The following L3MBTL4 variants were observed in gnomAD, a reference collection of about 807,000 sequenced individuals.
The protein encoded by L3MBTL4 is L3MBTL histone methyl-lysine binding protein 4.
In L3MBTL4, 70 loss-of-function variants were observed where a neutral mutation model predicts 84.5. That is an observed-to-expected ratio of 0.83 (90% CI 0.68 to 1.01). The LOEUF (loss-of-function observed/expected upper bound fraction) is 1.01, where lower values mean the gene tolerates loss of function less well. Ranked by LOEUF, L3MBTL4 falls within the 50% of genes least tolerant of loss-of-function variation. The pLI, the probability that L3MBTL4 is intolerant of heterozygous loss-of-function variation, is 0.00. For missense variants in L3MBTL4, 715 were observed against 754.8 expected, an observed-to-expected ratio of 0.95 and a Z score of 0.62; for synonymous variants, 274 against 259.8, an observed-to-expected ratio of 1.05 and a Z score of -0.52.
intron 12 of L3MBTL4, among the ~76,000 whole-genome samples, chr18:6,179,410 T>C (rs902651485): frequency 3.9e-5 from 6 of 152,214 alleles, no homozygotes; most frequent in African/African-American, 1.4e-4. Flanking sequence ...CTGATACCTA[T>C]TGCTCATAAC....
At chr18:6,307,877 T>C (rs1416014104) in intron 3 of L3MBTL4, among the ~76,000 whole-genome samples, 1 of 152,244 alleles carries the variant, frequency 6.6e-6, no homozygotes, top group African/African-American at 2.4e-5. Flanking sequence ...CATTTTTGTA[T>C]ATTCATTTTG....
intron 1 of L3MBTL4, among the ~76,000 whole-genome samples, chr18:6,385,235 C>CA (rs1246450251): frequency 2.6e-4 from 40 of 151,688 alleles, no homozygotes; most frequent in South Asian, 2.1e-4. Flanking sequence ...GATCCCATCT[C>CA]AAAAAAATAT....
At chr18:6,170,810 C>T (rs571907323) in intron 13 of L3MBTL4, among the ~76,000 whole-genome samples, 25 of 152,204 alleles carry the variant, frequency 1.6e-4, no homozygotes, top group African/African-American at 5.5e-4. Flanking sequence ...GGATAAAAAG[C>T]GAGACCAGAG....
intron 1 of L3MBTL4, among the ~76,000 whole-genome samples, chr18:6,340,780 A>T (rs1266521116): frequency 6.6e-6 from 1 of 152,070 alleles, no homozygotes; most frequent in Admixed American, 6.6e-5. Context: ...ATCCCCAAGC[A>T]CAGTCCCCTA....
intron 4 of L3MBTL4, among the ~76,000 whole-genome samples, chr18:6,266,906 G>A (rs565993687): frequency 1.3e-5 from 2 of 151,976 alleles, no homozygotes; most frequent in Non-Finnish European, 2.9e-5. Flanking sequence ...CTGGGCGACA[G>A]AGTGAAACTC....
At position 6,215,628 on chromosome 18, in the gene L3MBTL4, T is replaced by A. The variant is rs530400506; in HGVS notation, c.870+122A>T. ...TTTAACTAAAAGAAAAGCATATTGGTTATGAAATTACTACTTGAATTTAGA... is the reference window on the plus strand; with the variant it reads ...TTTAACTAAAAGAAAAGCATATTGGATATGAAATTACTACTTGAATTTAGA... On this transcript the variant is annotated intron_variant, in intron 11 of 18. Transcript: ENST00000317931. 8.0e-6 allele frequency: 4 copies of A among 502,170 alleles called. No homozygotes were observed. The South Asian group carries it at 1.8e-4, about 23-fold the overall frequency. The allele number at this position is 502,170 out of a possible 1,614,324, so 31.1% of individuals were successfully genotyped here. A position where few individuals can be genotyped will look rare whatever the true frequency, so the allele number is the denominator to read the frequency against.
At chr18:6,127,872 G>A (rs570027837) in intron 14 of L3MBTL4, among the ~76,000 whole-genome samples, 2 of 152,194 alleles carry the variant, frequency 1.3e-5, no homozygotes, top group African/African-American at 4.8e-5. Flanking sequence ...CACCATTGAT[G>A]GGCTCCAGCA....
At position 6,009,537 on chromosome 18, in the gene L3MBTL4, C is replaced by T. The variant is rs141875225; in HGVS notation, c.1445-39975G>A. On this transcript the variant is annotated intron_variant, in intron 16 of 18. Transcript: ENST00000317931. ...CTTGGTATTCATGGGGAAATTGGTT[C>T]CAGGACCCCTTTGGATACCATTGAC... 1.7e-3 allele frequency among the ~76,000 whole-genome samples: 258 copies of T among 152,238 alleles called. 1 individual carries two copies. The highest frequency in any genetic ancestry group is 2.8e-3 in the Non-Finnish European group (189 of 68,010).
At chr18:5,959,739 T>C (rs2095252902) in intron 18 of L3MBTL4, among the ~76,000 whole-genome samples, 1 of 152,086 alleles carries the variant, frequency 6.6e-6, no homozygotes, top group Admixed American at 6.5e-5. Context: ...CACTGATAGG[T>C]ATTAATTAAT....
At chr18:6,343,401 T>A (rs746636096) in intron 1 of L3MBTL4, among the ~76,000 whole-genome samples, 1 of 152,132 alleles carries the variant, frequency 6.6e-6, no homozygotes, top group South Asian at 2.1e-4. Context: ...CGGTGGCTCA[T>A]GCCTGTAATC....
intron 16 of L3MBTL4, among the ~76,000 whole-genome samples, chr18:6,071,761 AAAAGAAAGAAAGAAAGAAAG>A (rs201841975): frequency 3.3e-5 from 3 of 92,156 alleles, no homozygotes; most frequent in African/African-American, 8.4e-5. Flanking sequence ...AAGAAAGAAA[AAAAGAAAGAAAGAAAGAAAG>A]AAAGAAAGAA....
intron 12 of L3MBTL4, among the ~76,000 whole-genome samples, chr18:6,186,010 T>TG (rs1391748348): frequency 4.7e-5 from 7 of 149,750 alleles, no homozygotes; most frequent in African/African-American, 1.7e-4. Context: ...TTATATTTTA[T>TG]TTTATTTTAT....
At chr18:5,982,135 C>G (rs1285174787) in intron 16 of L3MBTL4, among the ~76,000 whole-genome samples, 1 of 152,024 alleles carries the variant, frequency 6.6e-6, no homozygotes, top group Non-Finnish European at 1.5e-5. Context: ...AGAATTAGCC[C>G]CTCTATGTTG....
At chr18:6,272,194 A>C (rs1036686402) in intron 4 of L3MBTL4, among the ~76,000 whole-genome samples, 16 of 152,208 alleles carry the variant, frequency 1.1e-4, no homozygotes, top group African/African-American at 3.6e-4. Context: ...AGCAGAACAG[A>C]CAGGTAGCAT....
chr18:6,363,827 G>A (rs1339169885), intron 1 of L3MBTL4, among the ~76,000 whole-genome samples: 1 of 152,028 alleles, frequency 6.6e-6, no homozygotes, highest in Non-Finnish European at 1.5e-5. Context: ...CAGACACCGA[G>A]CTTCAAAGTT....
intron 4 of L3MBTL4, among the ~76,000 whole-genome samples, chr18:6,281,892 A>G (rs1296565434): frequency 2.6e-5 from 4 of 152,232 alleles, no homozygotes; most frequent in Non-Finnish European, 2.9e-5. Context: ...GGCTTTAGAT[A>G]ACTTGATGCT....
chr18:6,396,527 T>G (rs7241731), intron 1 of L3MBTL4: 11,913 of 152,280 alleles, frequency 0.078, 519 homozygotes, highest in Non-Finnish European at 0.1. Flanking sequence ...GGGTATGGAT[T>G]TTGTGTGCAG....
intron 16 of L3MBTL4, among the ~76,000 whole-genome samples, chr18:6,033,053 C>A (rs376297405): frequency 6.6e-6 from 1 of 152,222 alleles, no homozygotes; most frequent in East Asian, 1.9e-4. Flanking sequence ...TGTGTTAAGT[C>A]CTCTATTTCC....
chr18:6,365,021 T>C (rs2053868192), intron 1 of L3MBTL4, among the ~76,000 whole-genome samples: 1 of 152,128 alleles, frequency 6.6e-6, no homozygotes, highest in Admixed American at 6.5e-5. Context: ...TCAAATTAAA[T>C]AAAATGTTTA....
Sources: allele counts gnomAD v4.1 joint callset (sites outside exome capture counted in the v4.1 genomes callset), GRCh38; gene constraint gnomAD v4.1.1; transcripts MANE v1.5; gene names NCBI Gene and HGNC (gene_info 2026-07-23, HGNC 2026-07-21).